Variants in PID1 observed in about 807,000 individuals in gnomAD.
PID1 encodes phosphotyrosine interaction domain containing 1.
In PID1, 10 loss-of-function variants were observed where a neutral mutation model predicts 19.1. The observed-to-expected ratio is 0.52, with a 90% CI of 0.32 to 0.89. PID1 has a LOEUF of 0.89. PID1 is among the 40% of genes least tolerant of loss of function. The pLI is 0.03. For synonymous variants in PID1, 130 were observed against 116.0 expected (o/e 1.12, Z -0.78); for missense variants, 248 against 285.3 (o/e 0.87, Z 0.94).
chr2:229,125,798 C>T (rs1016666888), intron 2 of PID1, among the ~76,000 whole-genome samples: 3 of 152,172 alleles, frequency 2.0e-5, no homozygotes, highest in African/African-American at 7.2e-5. Context: ...TTCCCACGTG[C>T]AATGCATGCT....
At chr2:229,152,041 C>T (rs894496478) in intron 2 of PID1, among the ~76,000 whole-genome samples, 2 of 152,174 alleles carry the variant, frequency 1.3e-5, no homozygotes, top group Admixed American at 6.5e-5. Flanking sequence ...CCAGTTCTTC[C>T]TTAGAAGTCA....
intron 1 of PID1, among the ~76,000 whole-genome samples, chr2:229,239,010 C>G (rs1440686531): frequency 6.6e-6 from 1 of 152,050 alleles, no homozygotes; most frequent in African/African-American, 2.4e-5. Flanking sequence ...CACCCCGCTA[C>G]TATCACCACC....
At chr2:229,257,427 T>C (rs1690331738) in intron 1 of PID1, among the ~76,000 whole-genome samples, 1 of 152,160 alleles carries the variant, frequency 6.6e-6, no homozygotes, top group Non-Finnish European at 1.5e-5. Context: ...CCACGTGATG[T>C]CCCTCACTTC....
In PID1 at chr2:229,025,716, G is replaced by A. The variant is rs1169797953; in HGVS notation, c.570C>T (p.Phe190=). Residue 190 remains phenylalanine (F), a synonymous_variant, in exon 3 of 3, where the codon TTC becomes TTT. Transcript: ENST00000392055. ...HAMMEAFRKT[F]HSMKSDGRIH... ...TCCGCCCGTCGCTCTTCATACTGTGGAAAGTCTTCCTGAAGGCCTCCATCA... is the reference window on the plus strand; with the variant it reads ...TCCGCCCGTCGCTCTTCATACTGTGAAAAGTCTTCCTGAAGGCCTCCATCA... The A allele has an allele frequency of 2.5e-6, 4 of 1,614,250 alleles. No homozygotes were observed. The highest frequency in any genetic ancestry group is 3.3e-4 in the Middle Eastern group (2 of 6,062).
chr2:229,124,902 A>T (rs1329347681), intron 2 of PID1, among the ~76,000 whole-genome samples: 1 of 152,212 alleles, frequency 6.6e-6, no homozygotes, highest in Non-Finnish European at 1.5e-5. Context: ...CTGAGCTACA[A>T]TTCTAAAACT....
At chr2:229,138,406 C>T (rs1277108601) in intron 2 of PID1, among the ~76,000 whole-genome samples, 1 of 152,062 alleles carries the variant, frequency 6.6e-6, no homozygotes. Flanking sequence ...GTACCGAGAA[C>T]GTCTTGGAGA....
chr2:229,034,554 C>G lies in PID1; in HGVS notation c.178-8446G>C, dbSNP rs567567004. On this transcript the variant is annotated intron_variant, in intron 2 of 2. Coordinates refer to ENST00000392055, the MANE Select transcript of PID1 (RefSeq NM_001100818.2). The stretch of plus-strand genomic sequence containing the variant: ...TTTAGACTTGTGGTGAGCCTGCTAA[C>G]AGGATCCTGTCTGGTTCCTCCTGGA... Among the ~76,000 whole-genome samples the G allele has an allele frequency of 3.9e-5, 6 of 152,238 alleles. No homozygotes were observed. In the East Asian group the frequency reaches 1.2e-3, roughly 29 times the overall value.
At chr2:229,220,670 A>G (rs1021454105) in intron 1 of PID1, among the ~76,000 whole-genome samples, 22 of 152,184 alleles carry the variant, frequency 1.4e-4, no homozygotes, top group Admixed American at 1.1e-3. Context: ...GGCTATTAGC[A>G]TTGAACTTCT....
At chr2:229,269,267 A>C (rs1009942117) in intron 1 of PID1, among the ~76,000 whole-genome samples, 5 of 152,254 alleles carry the variant, frequency 3.3e-5, no homozygotes, top group Admixed American at 2.6e-4. Context: ...ACCAACTGCA[A>C]TAAACCAGGC....
chr2:229,132,539 T>C (rs1334912075), intron 2 of PID1, among the ~76,000 whole-genome samples: 1 of 152,264 alleles, frequency 6.6e-6, no homozygotes, highest in Non-Finnish European at 1.5e-5. Context: ...TAGAAATTCT[T>C]AGTTTCTCTC....
At chr2:229,270,218 G>T (rs929118368) in intron 1 of PID1, among the ~76,000 whole-genome samples, 1 of 152,206 alleles carries the variant, frequency 6.6e-6, no homozygotes, top group Non-Finnish European at 1.5e-5. Context: ...AGTAGCTGCC[G>T]TGACTCTTGA....
At chr2:229,055,713 A>T (rs937153335) in intron 2 of PID1, among the ~76,000 whole-genome samples, 4 of 152,246 alleles carry the variant, frequency 2.6e-5, no homozygotes, top group African/African-American at 9.6e-5. Flanking sequence ...ACTTACAAAG[A>T]TATCTACCAA....
rs139256167 is a variant in PID1, at chr2:229,180,233, C to T, written c.31-24269G>A. 4.9e-4 allele frequency among the ~76,000 whole-genome samples: 75 copies of T among 152,024 alleles called. No individual in the cohort carries two copies. The East Asian group carries it at 8.7e-3, about 18-fold the overall frequency. On this transcript the variant is annotated intron_variant, in intron 1 of 2. Coordinates refer to ENST00000392055, the MANE Select transcript of PID1 (RefSeq NM_001100818.2). ...CAATGCACAGAACAGAGATATTGGT[C>T]GACTCATCAAAGATTAAATTATGTC... is the stretch of plus-strand genomic sequence containing the variant.
chr2:229,202,415 C>T lies in PID1; in HGVS notation c.31-46451G>A, dbSNP rs141595116. On this transcript the variant is annotated intron_variant, in intron 1 of 2. Coordinates refer to ENST00000392055, the MANE Select transcript of PID1 (RefSeq NM_001100818.2). ...CATCATTATTTTATTTATACTTGCA[C>T]CATGTCTGACCTGAGTTATCAATGC... 5.4e-3 allele frequency among the ~76,000 whole-genome samples: 815 copies of T among 152,152 alleles called. 6 individuals carry two copies. The highest frequency in any genetic ancestry group is 0.031 in the Middle Eastern group (9 of 294).
chr2:229,075,210 G>A (rs1464539272), intron 2 of PID1, among the ~76,000 whole-genome samples: 1 of 152,146 alleles, frequency 6.6e-6, no homozygotes, highest in African/African-American at 2.4e-5. Flanking sequence ...CCAGGAAAAG[G>A]TCAAAATTCA....
At chr2:229,145,630 T>A (rs1361134539) in intron 2 of PID1, among the ~76,000 whole-genome samples, 1 of 152,190 alleles carries the variant, frequency 6.6e-6, no homozygotes, top group Admixed American at 6.5e-5. Flanking sequence ...ATTATACTCA[T>A]ATTTCCCACA....
chr2:229,027,380 C>T (rs184877229), intron 2 of PID1, among the ~76,000 whole-genome samples: 101 of 152,166 alleles, frequency 6.6e-4, no homozygotes, highest in Admixed American at 3.5e-3. Context: ...TGGGGAGGGC[C>T]GAATATCCAC....
intron 2 of PID1, among the ~76,000 whole-genome samples, chr2:229,106,450 A>G (rs1040208258): frequency 1.3e-5 from 2 of 152,170 alleles, no homozygotes; most frequent in Non-Finnish European, 2.9e-5. Context: ...GAATGTTTTT[A>G]TCTCTCCCAA....
At chr2:229,103,043 T>C (rs891027956) in intron 2 of PID1, among the ~76,000 whole-genome samples, 11 of 152,224 alleles carry the variant, frequency 7.2e-5, no homozygotes, top group African/African-American at 2.2e-4. Flanking sequence ...TCATCAGATA[T>C]CAAATATTAA....
Sources: allele counts gnomAD v4.1 joint callset (sites outside exome capture counted in the v4.1 genomes callset), GRCh38; gene constraint gnomAD v4.1.1; transcripts MANE v1.5; gene names NCBI Gene and HGNC (gene_info 2026-07-23, HGNC 2026-07-21).